The following HIGD1C variants were observed in gnomAD, a reference collection of about 807,000 sequenced individuals.
HIGD1C encodes the protein HIG1 domain family member 1C.
A neutral mutation model predicts 13.1 loss-of-function variants in HIGD1C; 11 were observed. The observed-to-expected ratio is 0.84, with a 90% CI of 0.53 to 1.39. The LOEUF (loss-of-function observed/expected upper bound fraction) is 1.39, where lower values mean the gene tolerates loss of function less well. Among genes scored for constraint, HIGD1C ranks in the 40% most tolerant of loss-of-function variants. HIGD1C has a pLI of 0.00. For missense variants in HIGD1C, 110 were observed against 112.0 expected (o/e 0.98, Z 0.08); for synonymous variants, 36 against 37.7 (o/e 0.95, Z 0.17).
chr12:50,965,275 G>A (rs1269559551), intron 2 of HIGD1C, among the ~76,000 whole-genome samples: 1 of 149,908 alleles, frequency 6.7e-6, no homozygotes, highest in Non-Finnish European at 1.5e-5. Flanking sequence ...CACCATGCCT[G>A]GCTAATTTTT....
the HIGD1C span, among the ~76,000 whole-genome samples, chr12:50,945,679 C>T: frequency 6.6e-6 from 1 of 152,104 alleles, no homozygotes; most frequent in Non-Finnish European, 1.5e-5. Flanking sequence ...AGATTCAATG[C>T]CATCCCCATC....
chr12:50,938,803 C>T, the HIGD1C span, among the ~76,000 whole-genome samples: 1 of 152,154 alleles, frequency 6.6e-6, no homozygotes, highest in East Asian at 1.9e-4. Flanking sequence ...TGAGAACTTG[C>T]CAGTTATTGC....
At chr12:50,952,822 T>C (rs1938947752), upstream of HIGD1C, among the ~76,000 whole-genome samples, 1 of 152,188 alleles carries the variant, frequency 6.6e-6, no homozygotes, top group East Asian at 1.9e-4. Context: ...TCCTGGCCTC[T>C]GATGGCTATC....
At chr12:50,972,240 G>A (rs908979613), downstream of HIGD1C, among the ~76,000 whole-genome samples, 8 of 152,112 alleles carry the variant, frequency 5.3e-5, no homozygotes, top group African/African-American at 1.9e-4. Flanking sequence ...TAGATTAAGA[G>A]TTTAATTAGA....
chr12:50,964,085 T>C (rs1326159629), intron 2 of HIGD1C, among the ~76,000 whole-genome samples: 3 of 152,202 alleles, frequency 2.0e-5, no homozygotes, highest in African/African-American at 7.2e-5. Context: ...TCCTGAGATA[T>C]AAGGTTGAAT....
intron 1 of HIGD1C, among the ~76,000 whole-genome samples, chr12:50,955,920 G>A (rs932166483): frequency 6.6e-6 from 1 of 152,112 alleles, no homozygotes; most frequent in African/African-American, 2.4e-5. Flanking sequence ...TGATTAAAGT[G>A]GAAAGATAAA....
upstream of HIGD1C, among the ~76,000 whole-genome samples, chr12:50,948,940 A>G (rs1390422798): frequency 5.4e-5 from 2 of 37,048 alleles, no homozygotes; most frequent in Non-Finnish European, 4.3e-5. Flanking sequence ...GGGGAGGAGG[A>G]GGAGGAGGAG....
At chr12:50,963,782 C>G (rs557806267) in intron 2 of HIGD1C, among the ~76,000 whole-genome samples, 2 of 152,306 alleles carry the variant, frequency 1.3e-5, no homozygotes, top group Admixed American at 6.5e-5. Context: ...TTTGCACTAA[C>G]CCTGGTAATA....
At chr12:50,947,545 C>T in the HIGD1C span, among the ~76,000 whole-genome samples, 1 of 152,126 alleles carries the variant, frequency 6.6e-6, no homozygotes, top group Non-Finnish European at 1.5e-5. Flanking sequence ...TACACTGGCC[C>T]CACCCAGATA....
At chr12:50,963,318 C>A (rs563498724) in intron 2 of HIGD1C, among the ~76,000 whole-genome samples, 3 of 131,662 alleles carry the variant, frequency 2.3e-5, no homozygotes, top group Admixed American at 9.0e-5. Context: ...TGCAGTGAAC[C>A]AAAACCACGC....
At chr12:50,937,079 T>G in the HIGD1C span, among the ~76,000 whole-genome samples, 1 of 152,254 alleles carries the variant, frequency 6.6e-6, no homozygotes, top group Non-Finnish European at 1.5e-5. Context: ...TAGCACGTGC[T>G]CAAAAAGTAT....
At chr12:50,939,260 G>A in the HIGD1C span, among the ~76,000 whole-genome samples, 2 of 152,314 alleles carry the variant, frequency 1.3e-5, no homozygotes, top group African/African-American at 4.8e-5. Flanking sequence ...CAATTCTCCT[G>A]CCTCAGTCTC....
At chr12:50,965,416 C>A (rs1939503914) in intron 2 of HIGD1C, among the ~76,000 whole-genome samples, 1 of 151,994 alleles carries the variant, frequency 6.6e-6, no homozygotes, top group South Asian at 2.1e-4. Context: ...AGCCACCGTG[C>A]CCAGCCACTG....
upstream of HIGD1C, among the ~76,000 whole-genome samples, chr12:50,952,839 C>T (rs1938948083): frequency 1.3e-5 from 2 of 152,178 alleles, no homozygotes; most frequent in South Asian, 4.1e-4. Context: ...TATCTTCTCC[C>T]CTTCCCCTCC....
At chr12:50,933,178 C>CT in the HIGD1C span, among the ~76,000 whole-genome samples, 1 of 152,158 alleles carries the variant, frequency 6.6e-6, no homozygotes, top group African/African-American at 2.4e-5. Context: ...CTGAGCAAGT[C>CT]TTAGAAGCCC....
At chr12:50,966,188 T>C (rs971785000) in intron 2 of HIGD1C, among the ~76,000 whole-genome samples, 8 of 152,092 alleles carry the variant, frequency 5.3e-5, no homozygotes, top group African/African-American at 1.4e-4. Context: ...ATCATCCCCA[T>C]TGAATTTAGG....
intron 2 of HIGD1C, among the ~76,000 whole-genome samples, chr12:50,964,587 G>A (rs902411597): frequency 3.3e-5 from 5 of 152,212 alleles, no homozygotes; most frequent in Non-Finnish European, 7.3e-5. Flanking sequence ...ACATACGGCT[G>A]GAGAGTTCAC....
At chr12:50,947,370 G>A in the HIGD1C span, among the ~76,000 whole-genome samples, 1 of 152,170 alleles carries the variant, frequency 6.6e-6, no homozygotes, top group Admixed American at 6.5e-5. Context: ...TCTTCTGGAG[G>A]CTCTGGGGGA....
chr12:50,935,217 A>G, the HIGD1C span: 2 of 152,246 alleles, frequency 1.3e-5, no homozygotes, highest in Non-Finnish European at 2.9e-5. Context: ...ACTGTTCAGT[A>G]TCACTTTAAC....
Sources: gnomAD v4.1 joint callset for allele counts (sites outside exome capture counted in the v4.1 genomes callset) on GRCh38, gnomAD v4.1.1 for gene constraint, MANE v1.5 for transcripts, NCBI Gene and HGNC (gene_info 2026-07-23, HGNC 2026-07-21) for gene names.